FSIP1: variants seen among roughly 807,000 people sequenced by gnomAD.
FSIP1 encodes fibrous sheath-interacting protein 1.
A neutral mutation model predicts 60.9 loss-of-function variants in FSIP1; 65 were observed. That is an observed-to-expected ratio of 1.07 (90% CI 0.87 to 1.31). The LOEUF is 1.31. Among genes scored for constraint, FSIP1 ranks in the 40% most tolerant of loss-of-function variants. The probability of loss-of-function intolerance (pLI) is 0.00; values close to 1 mark genes in which losing one functional copy is unlikely to be tolerated. For missense variants in FSIP1, 675 were observed against 665.5 expected (o/e 1.01, Z -0.16); for synonymous variants, 209 against 221.2 (o/e 0.94, Z 0.49).
At position 39,617,722 on chromosome 15, in the gene FSIP1, C is replaced by A; in HGVS notation, c.1699+13G>T. ...AGAATTATTTACCAAAACACATGTT[C>A]GCCAAGCCTCACCTGCTATTGTATT... is the stretch of plus-strand genomic sequence containing the variant. On this transcript the variant is annotated intron_variant, in intron 11 of 11. Coordinates refer to ENST00000350221, the MANE Select transcript of FSIP1 (RefSeq NM_152597.5). 6.3e-7 allele frequency: 1 copy of A among 1,598,058 alleles called. No homozygotes were observed. The highest frequency in any genetic ancestry group is 1.1e-5 in the South Asian group (1 of 89,060).
chr15:39,695,030 G>T (rs935344243), intron 10 of FSIP1, among the ~76,000 whole-genome samples: 21 of 152,068 alleles, frequency 1.4e-4, no homozygotes, highest in African/African-American at 4.8e-4. Flanking sequence ...CCCAGCAAAC[G>T]GAATCATAGA....
At chr15:39,709,135 C>T (rs1895393221) in intron 10 of FSIP1, among the ~76,000 whole-genome samples, 1 of 152,202 alleles carries the variant, frequency 6.6e-6, no homozygotes. Flanking sequence ...TAGATGCAGG[C>T]GTTTCCAGTA....
chr15:39,617,820 TAAG>T lies in FSIP1; in HGVS notation c.1611_1613del (p.Phe537del), dbSNP rs1425864561. On this transcript the variant is annotated inframe_deletion, in exon 11 of 12. Coordinates refer to ENST00000350221, the MANE Select transcript of FSIP1 (RefSeq NM_152597.5). ...CACTGATACCATACAGTGGATCATC[TAAG>T]AAGGAGGGCCTTTTCAGTCTCCCAA... The T allele has an allele frequency of 2.5e-6, 4 of 1,614,116 alleles. No homozygotes were observed. The South Asian group carries it at 4.4e-5, about 18-fold the overall frequency.
At chr15:39,755,977 G>A (rs1396819399) in intron 5 of FSIP1, among the ~76,000 whole-genome samples, 1 of 151,968 alleles carries the variant, frequency 6.6e-6, no homozygotes, top group African/African-American at 2.4e-5. Context: ...TTTGATTTTT[G>A]CAACATGCCT....
intron 10 of FSIP1, among the ~76,000 whole-genome samples, chr15:39,683,617 T>G (rs1044662852): frequency 6.6e-6 from 1 of 152,118 alleles, no homozygotes; most frequent in African/African-American, 2.4e-5. Context: ...GCATGCAGAT[T>G]TGAAATAAAT....
chr15:39,673,996 A>T (rs1893824097), intron 10 of FSIP1, among the ~76,000 whole-genome samples: 1 of 152,164 alleles, frequency 6.6e-6, no homozygotes, highest in Non-Finnish European at 1.5e-5. Context: ...TAAATCCCTG[A>T]TATAAACTTT....
intron 9 of FSIP1, among the ~76,000 whole-genome samples, chr15:39,716,560 T>A (rs1038599422): frequency 1.3e-5 from 2 of 152,278 alleles, no homozygotes; most frequent in African/African-American, 4.8e-5. Context: ...TCAAATTCTA[T>A]AAAGACTTGC....
At chr15:39,771,047 T>C (rs748120253) in intron 2 of FSIP1, among the ~76,000 whole-genome samples, 2 of 152,258 alleles carry the variant, frequency 1.3e-5, no homozygotes, top group Admixed American at 1.3e-4. Flanking sequence ...ATCAGAACCC[T>C]GTGCTTTGGT....
chr15:39,611,302 G>C (rs1891020805), intron 11 of FSIP1, among the ~76,000 whole-genome samples: 1 of 152,100 alleles, frequency 6.6e-6, no homozygotes, highest in African/African-American at 2.4e-5. Context: ...GTTATAATAA[G>C]ATATTTTGTT....
chr15:39,733,881 C>A (rs926001142), intron 8 of FSIP1, among the ~76,000 whole-genome samples: 1 of 152,130 alleles, frequency 6.6e-6, no homozygotes, highest in African/African-American at 2.4e-5. Context: ...TCCTGGATTT[C>A]TTGTTACTAG....
intron 10 of FSIP1, among the ~76,000 whole-genome samples, chr15:39,625,297 C>T (rs1275755979): frequency 6.6e-6 from 1 of 152,070 alleles, no homozygotes; most frequent in Non-Finnish European, 1.5e-5. Context: ...GGGCTGCCAG[C>T]GGGACCCCAG....
At chr15:39,692,503 G>A (rs16969600) in intron 10 of FSIP1, among the ~76,000 whole-genome samples, 2,310 of 152,166 alleles carry the variant, frequency 0.015, 50 homozygotes, top group African/African-American at 0.053. Flanking sequence ...CATCATCCAC[G>A]TCTTCAATTC....
intron 9 of FSIP1, among the ~76,000 whole-genome samples, chr15:39,723,683 G>A (rs1896073856): frequency 6.6e-6 from 1 of 152,168 alleles, no homozygotes; most frequent in South Asian, 2.1e-4. Flanking sequence ...CTTTCTTAAG[G>A]AGTATGGAGA....
downstream of FSIP1, chr15:39,597,515 A>C (rs891845175): frequency 6.6e-6 from 1 of 152,146 alleles, no homozygotes; most frequent in Non-Finnish European, 1.5e-5. Context: ...TATGTCATGA[A>C]GTATATGCGT....
chr15:39,768,272 G>C (rs1430688236), intron 3 of FSIP1, among the ~76,000 whole-genome samples: 1 of 152,196 alleles, frequency 6.6e-6, no homozygotes, highest in Non-Finnish European at 1.5e-5. Flanking sequence ...CTAACAGTGA[G>C]AGTTGATCTC....
At chr15:39,713,393 C>A (rs958697893) in intron 10 of FSIP1, 51 bp downstream of exon 10, 15 of 1,527,394 alleles carry the variant, frequency 9.8e-6, no homozygotes, top group Non-Finnish European at 1.2e-5. Context: ...ATAGTGAGAA[C>A]CTGCCTCTAT....
chr15:39,629,885 G>T (rs7168755), intron 10 of FSIP1, among the ~76,000 whole-genome samples: 33,462 of 152,192 alleles, frequency 0.22, 5,086 homozygotes, highest in African/African-American at 0.42. Context: ...AGTCTGGTTC[G>T]ACAAATGGTC....
At chr15:39,605,568 G>A (rs1047344477) in intron 11 of FSIP1, among the ~76,000 whole-genome samples, 7 of 152,200 alleles carry the variant, frequency 4.6e-5, no homozygotes, top group Admixed American at 1.3e-4. Context: ...ACATGGAATG[G>A]AAATTCAATG....
rs114625148 is a variant in FSIP1, at chr15:39,645,719, G to C, written c.1189-27474C>G. On this transcript the variant is annotated intron_variant, in intron 10 of 11. Coordinates refer to ENST00000350221, the MANE Select transcript of FSIP1 (RefSeq NM_152597.5). The stretch of plus-strand genomic sequence containing the variant: ...GGGCGTCTCTGCAGCCTGCACCCTC[G>C]GGCACCCCAGGAAGGTTCCCTGCCC... Among the ~76,000 whole-genome samples the C allele has an allele frequency of 9.3e-3, 1,415 of 152,194 alleles. 29 individuals carry two copies. Among genetic ancestry groups the C allele is most frequent in the African/African-American group, 0.033 (1,362 of 41,506 alleles).
Sources: allele counts gnomAD v4.1 joint callset (sites outside exome capture counted in the v4.1 genomes callset), GRCh38; gene constraint gnomAD v4.1.1; transcripts MANE v1.5; gene names NCBI Gene and HGNC (gene_info 2026-07-23, HGNC 2026-07-21).